LHFPL3: variants seen among roughly 807,000 people sequenced by gnomAD.
LHFPL3 encodes LHFPL tetraspan subfamily member 3 protein.
A neutral mutation model predicts 19.3 loss-of-function variants in LHFPL3; 5 were observed. The ratio of observed to expected loss-of-function variants is 0.26; its 90% CI spans 0.14 to 0.54. LHFPL3 has a LOEUF of 0.54. Ranked by LOEUF, LHFPL3 falls within the 20% of genes least tolerant of loss-of-function variation. The pLI, the probability that LHFPL3 is intolerant of heterozygous loss-of-function variation, is 0.94. For synonymous variants in LHFPL3, 133 were observed against 126.2 expected (o/e 1.05, Z -0.36); for missense variants, 249 against 307.4 (o/e 0.81, Z 1.42).
chr7:104,744,042 T>C (rs1462420580), intron 2 of LHFPL3: 2 of 150,976 alleles, frequency 1.3e-5, no homozygotes, highest in Non-Finnish European at 2.9e-5. Context: ...TTAGAAACAG[T>C]GCCTTACCAT....
At chr7:104,431,227 C>T (rs1340675519) in intron 1 of LHFPL3, among the ~76,000 whole-genome samples, 3 of 152,124 alleles carry the variant, frequency 2.0e-5, no homozygotes, top group African/African-American at 7.2e-5. Flanking sequence ...GTAAATTGAT[C>T]ATCATAACAG....
intron 1 of LHFPL3, among the ~76,000 whole-genome samples, chr7:104,343,226 A>C (rs868420624): frequency 4.6e-5 from 7 of 152,080 alleles, no homozygotes; most frequent in Admixed American, 1.3e-4. Flanking sequence ...ATTTATAAGA[A>C]GCCAAAGGCT....
chr7:104,618,575 C>T (rs1490223782), intron 1 of LHFPL3, among the ~76,000 whole-genome samples: 1 of 151,958 alleles, frequency 6.6e-6, no homozygotes, highest in African/African-American at 2.4e-5. Flanking sequence ...ATTGTTTGAT[C>T]ATGTTAGCTT....
intron 1 of LHFPL3, among the ~76,000 whole-genome samples, chr7:104,703,452 G>C (rs906418812): frequency 1.1e-4 from 16 of 152,160 alleles, no homozygotes; most frequent in African/African-American, 2.2e-4. Context: ...TAAAACCTAA[G>C]AGCACAAAGT....
At chr7:104,843,358 G>A (rs141930151) in intron 2 of LHFPL3, among the ~76,000 whole-genome samples, 18 of 152,346 alleles carry the variant, frequency 1.2e-4, no homozygotes, top group East Asian at 3.9e-4. Flanking sequence ...AATGCACCTC[G>A]ATGGAAGCTG....
At chr7:104,773,572 T>C (rs568177850) in intron 2 of LHFPL3, among the ~76,000 whole-genome samples, 51 of 152,336 alleles carry the variant, frequency 3.3e-4, no homozygotes, top group African/African-American at 1.2e-3. Context: ...TGTTGAAGTT[T>C]TAACTCCAGT....
intron 1 of LHFPL3, among the ~76,000 whole-genome samples, chr7:104,440,321 A>T (rs1792198719): frequency 6.6e-6 from 1 of 151,916 alleles, no homozygotes; most frequent in Non-Finnish European, 1.5e-5. Flanking sequence ...AGAACAAAAA[A>T]CCAAACACTG....
At chr7:104,517,773 G>C (rs931010468) in intron 1 of LHFPL3, among the ~76,000 whole-genome samples, 14 of 152,094 alleles carry the variant, frequency 9.2e-5, no homozygotes, top group African/African-American at 3.4e-4. Context: ...CTCCCAAAGT[G>C]CTGGGATTAC....
intron 1 of LHFPL3, among the ~76,000 whole-genome samples, chr7:104,363,191 G>A (rs899301595): frequency 3.3e-5 from 5 of 152,172 alleles, no homozygotes; most frequent in South Asian, 2.1e-4. Flanking sequence ...TCCTCCCAAA[G>A]TTAGTTCAGC....
intron 1 of LHFPL3, among the ~76,000 whole-genome samples, chr7:104,392,920 G>C (rs1484649956): frequency 6.6e-6 from 1 of 152,134 alleles, no homozygotes; most frequent in Admixed American, 6.5e-5. Flanking sequence ...TCTTGGGAGA[G>C]TGTATGTGTC....
chr7:104,784,449 C>T (rs1789872606), intron 2 of LHFPL3, among the ~76,000 whole-genome samples: 1 of 152,200 alleles, frequency 6.6e-6, no homozygotes, highest in Non-Finnish European at 1.5e-5. Flanking sequence ...GCTCAGCACA[C>T]AGCTAATATG....
chr7:104,590,787 C>G (rs910657058), intron 1 of LHFPL3, among the ~76,000 whole-genome samples: 1 of 152,180 alleles, frequency 6.6e-6, no homozygotes, highest in African/African-American at 2.4e-5. Flanking sequence ...CTTTATGAAT[C>G]TGGGTGCTCT....
intron 2 of LHFPL3, among the ~76,000 whole-genome samples, chr7:104,838,134 C>A (rs1376074584): frequency 6.6e-6 from 1 of 152,162 alleles, no homozygotes; most frequent in Admixed American, 6.5e-5. Flanking sequence ...ATTAGCCATC[C>A]TTTTGGTTCT....
intron 1 of LHFPL3, among the ~76,000 whole-genome samples, chr7:104,628,518 T>G (rs6969085): frequency 0.96 from 146,145 of 152,186 alleles, 70,408 homozygotes; most frequent in East Asian, 1. Flanking sequence ...GTATCTCTTG[T>G]GTAGATATCA....
At chr7:104,496,657 G>A (rs1248994245) in intron 1 of LHFPL3, among the ~76,000 whole-genome samples, 5 of 152,008 alleles carry the variant, frequency 3.3e-5, no homozygotes, top group African/African-American at 1.2e-4. Context: ...TTTAATGATC[G>A]CCATTCTAAC....
intron 1 of LHFPL3, among the ~76,000 whole-genome samples, chr7:104,682,867 A>C (rs898014847): frequency 3.9e-5 from 6 of 152,214 alleles, no homozygotes; most frequent in African/African-American, 1.4e-4. Context: ...TATGACTATA[A>C]AAGCAATACA....
intron 1 of LHFPL3, among the ~76,000 whole-genome samples, chr7:104,356,095 T>C (rs1790269081): frequency 6.6e-6 from 1 of 152,188 alleles, no homozygotes; most frequent in African/African-American, 2.4e-5. Flanking sequence ...TATTAGGATA[T>C]AGCTTTTGTA....
At chr7:104,833,418 T>A (rs375063743) in intron 2 of LHFPL3, among the ~76,000 whole-genome samples, 1,214 of 5,070 alleles carry the variant, frequency 0.24, 448 homozygotes, top group Non-Finnish European at 0.5. Context: ...ATATATATAA[T>A]ATATATATAT....
intron 2 of LHFPL3, among the ~76,000 whole-genome samples, chr7:104,899,984 G>C (rs1396564055): frequency 6.6e-6 from 1 of 152,160 alleles, no homozygotes; most frequent in Non-Finnish European, 1.5e-5. Flanking sequence ...TGCCTGCCTT[G>C]GCCTCCCAAA....
Sources: allele counts gnomAD v4.1 joint callset (sites outside exome capture counted in the v4.1 genomes callset), GRCh38; gene constraint gnomAD v4.1.1; transcripts MANE v1.5; gene names NCBI Gene and HGNC (gene_info 2026-07-23, HGNC 2026-07-21).